Variants in FOXP1 observed in about 807,000 individuals in gnomAD.
FOXP1 encodes forkhead box protein P1.
Under a neutral mutation model 98.2 loss-of-function variants are expected in FOXP1, and 15 were observed. That is an observed-to-expected ratio of 0.15 (90% CI 0.10 to 0.24). The LOEUF (loss-of-function observed/expected upper bound fraction) is 0.24. FOXP1 is among the 10% of genes least tolerant of loss of function. The pLI is 1.00. For synonymous variants in FOXP1, 371 were observed against 314.5 expected (o/e 1.18, Z -1.90); for missense variants, 633 against 848.5 (o/e 0.75, Z 3.15).
At chr3:71,163,367 T>C (rs1264138052) in intron 6 of FOXP1, among the ~76,000 whole-genome samples, 1 of 152,242 alleles carries the variant, frequency 6.6e-6, no homozygotes, top group African/African-American at 2.4e-5. Flanking sequence ...CTGTGAATTC[T>C]GGTCACCCTT....
At chr3:71,326,610 AG>A (rs1380609626) in intron 4 of FOXP1, among the ~76,000 whole-genome samples, 3 of 152,212 alleles carry the variant, frequency 2.0e-5, no homozygotes, top group Admixed American at 6.5e-5. Context: ...ACTTTGGCAC[AG>A]GATTTCAGTT....
intron 2 of FOXP1, among the ~76,000 whole-genome samples, chr3:71,494,557 C>T (rs1262630755): frequency 6.6e-6 from 1 of 152,094 alleles, no homozygotes; most frequent in Admixed American, 6.6e-5. Context: ...CCCTGGGTGC[C>T]CAGGAAAGGC....
intron 13 of FOXP1, among the ~76,000 whole-genome samples, chr3:70,989,185 CA>C (rs2040225819): frequency 6.6e-6 from 1 of 151,706 alleles, no homozygotes; most frequent in South Asian, 2.1e-4. Flanking sequence ...AGAAGGGGGA[CA>C]GGGGTCGGGG....
chr3:71,312,201 A>G (rs532027351), intron 4 of FOXP1, among the ~76,000 whole-genome samples: 3 of 152,198 alleles, frequency 2.0e-5, no homozygotes, highest in Admixed American at 6.5e-5. Context: ...GAACGTTAAC[A>G]CTCCTAAAAC....
At position 71,454,392 on chromosome 3, in the gene FOXP1, G is replaced by A. The variant is rs527462776; in HGVS notation, c.-168+39034C>T. Among the ~76,000 whole-genome samples, 743 of 152,202 alleles carry A rather than the reference G, an allele frequency of 4.9e-3. 4 individuals are homozygous for A. Among genetic ancestry groups the A allele is most frequent in the African/African-American group, 0.017 (688 of 41,524 alleles). On this transcript the variant is annotated intron_variant, in intron 3 of 20. Transcript: ENST00000649528. ...CAGACGTGGTTACCCACTGAAGCAGGAGCTAAGGCACAGAGAGAGACAGGT... is the reference window on the plus strand; with the variant it reads ...CAGACGTGGTTACCCACTGAAGCAGAAGCTAAGGCACAGAGAGAGACAGGT...
At position 71,431,556 on chromosome 3, in the gene FOXP1, G is replaced by A. The variant is rs1227000990; in HGVS notation, c.-168+61870C>T. Among the ~76,000 whole-genome samples the A allele has an allele frequency of 2.0e-5, 3 of 152,078 alleles. No individual in the cohort carries two copies. In the East Asian group the frequency reaches 5.8e-4, roughly 29 times the overall value. ...AGATCTGGTAATTTTCCAGGGTCGCGAACCAAGTAAGTGGCGAAGCAGAGA... is the reference window on the plus strand; with the variant it reads ...AGATCTGGTAATTTTCCAGGGTCGCAAACCAAGTAAGTGGCGAAGCAGAGA... On this transcript the variant is annotated intron_variant, in intron 3 of 20. Transcript: ENST00000649528.
chr3:71,575,102 C>T (rs573016033), intron 2 of FOXP1, among the ~76,000 whole-genome samples: 2 of 152,310 alleles, frequency 1.3e-5, no homozygotes, highest in African/African-American at 4.8e-5. Context: ...ACCCCAGATA[C>T]GGCACATCCA....
At chr3:71,555,016 C>T (rs151035902) in intron 2 of FOXP1, among the ~76,000 whole-genome samples, 161 of 152,216 alleles carry the variant, frequency 1.1e-3, no homozygotes, top group African/African-American at 3.7e-3. Flanking sequence ...AGTAAACAAG[C>T]TCAGTTATTT....
At chr3:71,582,158 A>T in intron 1 of FOXP1, 2 of 984,690 alleles carry the variant, frequency 2.0e-6, no homozygotes, top group Non-Finnish European at 2.4e-6. Context: ...GGAGCTCCCC[A>T]GAGCCCGTGT....
At chr3:71,347,287 C>T (rs2077425837) in intron 4 of FOXP1, among the ~76,000 whole-genome samples, 1 of 152,294 alleles carries the variant, frequency 6.6e-6, no homozygotes, top group Middle Eastern at 3.4e-3. Context: ...CAAAACATCA[C>T]TTTACCTTTG....
At chr3:71,108,392 C>T (rs977788022) in intron 7 of FOXP1, among the ~76,000 whole-genome samples, 4 of 152,192 alleles carry the variant, frequency 2.6e-5, no homozygotes, top group Non-Finnish European at 5.9e-5. Flanking sequence ...TACGCATTTT[C>T]GAGGTTATGA....
intron 3 of FOXP1, among the ~76,000 whole-genome samples, chr3:71,448,527 T>C (rs2086657338): frequency 6.6e-6 from 1 of 152,206 alleles, no homozygotes; most frequent in Admixed American, 6.5e-5. Context: ...TTAGGGTCTG[T>C]TGTTATTGAC....
chr3:71,425,132 A>G (rs1348287013), intron 3 of FOXP1, among the ~76,000 whole-genome samples: 1 of 150,126 alleles, frequency 6.7e-6, no homozygotes, highest in African/African-American at 2.5e-5. Flanking sequence ...TTTGTTTTGT[A>G]TGAGACAGGG....
At chr3:71,207,499 T>C (rs940781174) in intron 5 of FOXP1, among the ~76,000 whole-genome samples, 1 of 152,194 alleles carries the variant, frequency 6.6e-6, no homozygotes, top group Non-Finnish European at 1.5e-5. Context: ...TTTAATTTTA[T>C]CCTTCAAAAA....
intron 3 of FOXP1, among the ~76,000 whole-genome samples, chr3:71,360,007 G>C (rs138305807): frequency 0.034 from 5,155 of 152,126 alleles, 331 homozygotes; most frequent in African/African-American, 0.12. Context: ...TGGCCAGGCT[G>C]GTCTCAAATT....
intron 11 of FOXP1, among the ~76,000 whole-genome samples, chr3:71,030,863 T>A (rs934649221): frequency 2.6e-5 from 4 of 152,356 alleles, no homozygotes; most frequent in African/African-American, 9.6e-5. Context: ...ACACGAGACA[T>A]CTTGTTCTTG....
At chr3:70,972,425 T>C in intron 18 of FOXP1, 130 bp downstream of exon 18, 2 of 1,354,494 alleles carry the variant, frequency 1.5e-6, no homozygotes, top group Non-Finnish European at 1.1e-6. Context: ...AAATGCTTTT[T>C]TGCTTCCCTT....
chr3:71,029,633 C>T (rs1178361434), intron 11 of FOXP1, among the ~76,000 whole-genome samples: 1 of 152,132 alleles, frequency 6.6e-6, no homozygotes, highest in Non-Finnish European at 1.5e-5. Flanking sequence ...TCAAGTGATC[C>T]ACCCGCCTCG....
chr3:71,501,980 C>CG (rs2041410350), intron 2 of FOXP1, among the ~76,000 whole-genome samples: 1 of 152,098 alleles, frequency 6.6e-6, no homozygotes, highest in Non-Finnish European at 1.5e-5. Flanking sequence ...GATGGTGGCA[C>CG]GACAGCGCCT....
Sources: gnomAD v4.1 joint callset for allele counts (sites outside exome capture counted in the v4.1 genomes callset) on GRCh38, gnomAD v4.1.1 for gene constraint, MANE v1.5 for transcripts, NCBI Gene and HGNC (gene_info 2026-07-23, HGNC 2026-07-21) for gene names.